BMP1: variants seen among roughly 807,000 people sequenced by gnomAD.
BMP1 encodes the protein bone morphogenetic protein 1, also known as mammalian tolloid protein.
Under a neutral mutation model 116.8 loss-of-function variants are expected in BMP1, and 63 were observed. The observed-to-expected ratio is 0.54, with a 90% CI of 0.44 to 0.67. The LOEUF (loss-of-function observed/expected upper bound fraction) is 0.67. Among genes scored for constraint, BMP1 ranks in the 30% least tolerant of loss-of-function variants. BMP1 has a pLI of 0.00. For missense variants in BMP1, 1,183 were observed against 1,358.9 expected (o/e 0.87, Z 2.04); for synonymous variants, 536 against 533.4 (o/e 1.00, Z -0.07).
chr8:22,179,207 G>A lies in BMP1; in HGVS notation c.837-498G>A, dbSNP rs1828541861. The stretch of plus-strand genomic sequence containing the variant: ...GTCCCCGGGGCTTGGTCTGGCTGCA[G>A]TGGAATCTGCCTTTGGCCTTGTTCC... On this transcript the variant is annotated intron_variant, in intron 6 of 19. Coordinates refer to ENST00000306385, the MANE Select transcript of BMP1 (RefSeq NM_006129.5). The surrounding 1 kb of genome is among the most constrained non-coding windows in gnomAD (Gnocchi z 4.6). Among the ~76,000 whole-genome samples, 1 of 152,256 alleles carries A rather than the reference G, an allele frequency of 6.6e-6. No homozygotes were observed. The highest frequency in any genetic ancestry group is 6.5e-5 in the Admixed American group (1 of 15,294).
chr8:22,172,786 T>A (rs1173845484), intron 1 of BMP1, among the ~76,000 whole-genome samples: 1 of 151,726 alleles, frequency 6.6e-6, no homozygotes, highest in Non-Finnish European at 1.5e-5. Context: ...CTGGCTAATT[T>A]TTGTATTTTT....
chr8:22,180,411 C>A lies in BMP1; in HGVS notation c.1005C>A (p.Ser335=), dbSNP rs781604387. ...AAGACAGCACAGGCAACTTCTCCTC[C>A]CCTGAATACCCCAATGGCTACTCTG... ...TLQDSTGNFS[S]PEYPNGYSAH... The change falls in exon 8 of 20, where the codon TCC becomes TCA. Residue 335 remains serine (S), a synonymous_variant. Transcript: ENST00000306385. 13 of 1,613,918 alleles carry A rather than the reference C, an allele frequency of 8.1e-6. No homozygotes were observed. In the African/African-American group the frequency reaches 1.7e-4, roughly 22 times the overall value.
At chr8:22,205,591 A>T (rs1473905365) in intron 16 of BMP1, among the ~76,000 whole-genome samples, 1 of 152,084 alleles carries the variant, frequency 6.6e-6, no homozygotes, top group Non-Finnish European at 1.5e-5. Context: ...CCTGGGCAAC[A>T]TAGTGAGACC....
At chr8:22,187,118 G>C (rs1187438358) in intron 8 of BMP1, among the ~76,000 whole-genome samples, 3 of 151,584 alleles carry the variant, frequency 2.0e-5, no homozygotes, top group Non-Finnish European at 4.4e-5. Context: ...AGCCTCCCAA[G>C]TAACCGGGAC....
intron 1 of BMP1, among the ~76,000 whole-genome samples, chr8:22,166,808 GT>G (rs1828126915): frequency 6.6e-6 from 1 of 152,168 alleles, no homozygotes; most frequent in South Asian, 2.1e-4. Context: ...TGGGCTGCGG[GT>G]AAACCAGGAC....
chr8:22,165,700 AGGGAGG>A, intron 1 of BMP1, 147 bp downstream of exon 1: 1 of 414,662 alleles, frequency 2.4e-6, no homozygotes, highest in Non-Finnish European at 3.7e-6. Flanking sequence ...CGAGGGGGAG[AGGGAGG>A]GGGATTTGGG....
At chr8:22,165,632 AG>A in intron 1 of BMP1, 79 bp downstream of exon 1, 2 of 1,380,692 alleles carry the variant, frequency 1.4e-6, no homozygotes, top group Middle Eastern at 4.5e-4. Flanking sequence ...GGGGGAGGAC[AG>A]TCCAGTGTGG....
chr8:22,178,598 T>A (rs1828522758), intron 6 of BMP1, among the ~76,000 whole-genome samples: 1 of 152,138 alleles, frequency 6.6e-6, no homozygotes, highest in Non-Finnish European at 1.5e-5. Context: ...ATTAGTCTGC[T>A]TTTTTTGTAA....
intron 14 of BMP1, 27 bp from the exon 15 acceptor site, chr8:22,197,213 C>T (rs750926569): frequency 2.5e-6 from 4 of 1,594,864 alleles, no homozygotes; most frequent in East Asian, 2.3e-5. Context: ...CTGGAGGAGG[C>T]GGGCCTGGAG....
At position 22,194,122 on chromosome 8, in the gene BMP1, A is replaced by G; in HGVS notation, c.1245A>G (p.Glu415=). The change falls in exon 10 of 20, where the codon GAA becomes GAG. Residue 415 remains glutamate (E), a synonymous_variant. Transcript: ENST00000306385. The surrounding 1 kb of genome is among the most constrained non-coding windows in gnomAD (Gnocchi z 4.5). ...CCACTGACAGCCGCCTCTGGGTTGA[A>G]TTCCGCAGCAGCAGCAATTGGGTTG... ...IVSTDSRLWV[E]FRSSSNWVGK... 1 of 1,613,978 alleles carries G rather than the reference A, an allele frequency of 6.2e-7. No individual in the cohort carries two copies.
chr8:22,165,704 A>T, intron 1 of BMP1, 151 bp downstream of exon 1: 50 of 462,592 alleles, frequency 1.1e-4, no homozygotes, highest in Non-Finnish European at 1.3e-4. Context: ...GGGGAGAGGG[A>T]GGGGGATTTG....
intron 1 of BMP1, among the ~76,000 whole-genome samples, chr8:22,168,609 T>G: frequency 6.6e-6 from 1 of 151,984 alleles, no homozygotes; most frequent in Admixed American, 6.6e-5. Context: ...CACATCCCCA[T>G]CCCACCCAGG....
intron 14 of BMP1, 87 bp from the exon 15 acceptor site, chr8:22,197,153 T>C: frequency 6.6e-7 from 1 of 1,504,260 alleles, no homozygotes. Context: ...GGCTAAAGGA[T>C]GTGCAGAACA....
At chr8:22,166,929 T>C (rs1828130478) in intron 1 of BMP1, among the ~76,000 whole-genome samples, 1 of 152,176 alleles carries the variant, frequency 6.6e-6, no homozygotes, top group Non-Finnish European at 1.5e-5. Context: ...ACCCTGCTAC[T>C]CATTATAGCT....
chr8:22,203,653 T>C (rs1829302377), intron 16 of BMP1, among the ~76,000 whole-genome samples: 1 of 152,186 alleles, frequency 6.6e-6, no homozygotes, highest in East Asian at 1.9e-4. Flanking sequence ...GGCAAGTGAC[T>C]CTTCCCACCC....
At chr8:22,201,987 C>G (rs1282037971) in intron 16 of BMP1, 59 bp downstream of exon 16, 12 of 1,558,070 alleles carry the variant, frequency 7.7e-6, no homozygotes, top group Non-Finnish European at 1.0e-5. Context: ...GGAGTGGAAG[C>G]CCAGAGGATC....
chr8:22,196,382 C>T (rs1022325768), intron 13 of BMP1: 8 of 585,936 alleles, frequency 1.4e-5, no homozygotes, highest in Non-Finnish European at 2.2e-5. Context: ...TTCCCTGAGC[C>T]CCTTATTCCC....
In BMP1 at chr8:22,165,389, G is replaced by A; in HGVS notation, c.-17G>A. On this transcript the variant is annotated 5_prime_UTR_variant, in exon 1 of 20. Coordinates refer to ENST00000306385, the MANE Select transcript of BMP1 (RefSeq NM_006129.5). ...TGGCCTCCAGTGCGCCGCTTCCCTC[G>A]CCGCCGCCCCGCCAGCATGCCCGGC... The A allele has an allele frequency of 7.0e-7, 1 of 1,436,218 alleles. No individual in the cohort carries two copies. The highest frequency in any genetic ancestry group is 1.5e-5 in the South Asian group (1 of 66,864). The allele number at this position is 1,436,218 out of a possible 1,614,324, so 89.0% of individuals were successfully genotyped here. A position where few individuals can be genotyped will look rare whatever the true frequency, so the allele number is the denominator to read the frequency against.
At chr8:22,180,246 C>T in intron 7 of BMP1, 122 bp from the exon 8 acceptor site, 1 of 781,010 alleles carries the variant, frequency 1.3e-6, no homozygotes, top group Admixed American at 1.9e-5. Flanking sequence ...ATTGCAGACA[C>T]CCTCCCACTC....
Sources: gnomAD v4.1 joint callset for allele counts (sites outside exome capture counted in the v4.1 genomes callset) on GRCh38, gnomAD v4.1.1 for gene constraint, Gnocchi (gnomAD v3.1) non-coding constraint, MANE v1.5 for transcripts, NCBI Gene and HGNC (gene_info 2026-07-23, HGNC 2026-07-21) for gene names.